MAK: variants seen among roughly 807,000 people sequenced by gnomAD.
MAK encodes the protein male germ cell associated kinase.
Under a neutral mutation model 82.6 loss-of-function variants are expected in MAK, and 65 were observed. That is an observed-to-expected ratio of 0.79 (90% CI 0.64 to 0.97). The LOEUF is 0.97. Among genes scored for constraint, MAK ranks in the 50% least tolerant of loss-of-function variants. MAK has a pLI of 0.00. For missense variants in MAK, 703 were observed against 780.2 expected, an observed-to-expected ratio of 0.90 and a Z score of 1.18; for synonymous variants, 250 against 274.2, an observed-to-expected ratio of 0.91 and a Z score of 0.87.
chr6:10,829,946 C>T (rs536783487), intron 2 of MAK, among the ~76,000 whole-genome samples: 253 of 151,870 alleles, frequency 1.7e-3, no homozygotes, highest in Non-Finnish European at 2.5e-3. Context: ...AAGCGATTCT[C>T]GTGCCTCAGC....
In MAK at chr6:10,780,139, C is replaced by T. The variant is rs55750564; in HGVS notation, c.1465+4285G>A. The T allele has an allele frequency of 1.9e-3, 928 of 477,896 alleles. 6 individuals carry two copies. The highest frequency in any genetic ancestry group is 0.018 in the African/African-American group (860 of 47,496). 29.6% of individuals were successfully genotyped at this position (477,896 alleles called of 1,614,324 possible). A position where few individuals can be genotyped will look rare whatever the true frequency, so the allele number is the denominator to read the frequency against. On this transcript the variant is annotated intron_variant, in intron 11 of 14. Transcript: ENST00000354489. Reference sequence around the variant, plus strand: ...GAGGGGTCATCTTCAAAACCACGACCGCCAATAGGTGACAGTAAGGCTCAA... The same window carrying T: ...GAGGGGTCATCTTCAAAACCACGACTGCCAATAGGTGACAGTAAGGCTCAA...
intron 9 of MAK, 74 bp downstream of exon 9, chr6:10,795,924 A>G (rs1252079278): frequency 1.3e-6 from 2 of 1,487,502 alleles, no homozygotes; most frequent in Non-Finnish European, 1.9e-6. Context: ...CAACATTATT[A>G]GAAATGCCTC....
chr6:10,796,667 G>A (rs545997006), intron 8 of MAK, among the ~76,000 whole-genome samples: 8 of 152,186 alleles, frequency 5.3e-5, no homozygotes, highest in African/African-American at 9.6e-5. Context: ...TTAGCCAGGC[G>A]TGTTGGTGGA....
intron 11 of MAK, among the ~76,000 whole-genome samples, chr6:10,782,286 C>T (rs1774072424): frequency 6.6e-6 from 1 of 151,684 alleles, no homozygotes; most frequent in African/African-American, 2.4e-5. Flanking sequence ...ATTTAGATCG[C>T]CAAATACCCA....
chr6:10,815,890 T>G (rs1431521443), intron 4 of MAK, among the ~76,000 whole-genome samples: 1 of 141,156 alleles, frequency 7.1e-6, no homozygotes, highest in Non-Finnish European at 1.5e-5. Flanking sequence ...TAATGGGTAC[T>G]GTATTAGTGT....
intron 11 of MAK, 111 bp downstream of exon 11, chr6:10,784,313 G>T: frequency 9.0e-7 from 1 of 1,107,478 alleles, no homozygotes; most frequent in Non-Finnish European, 1.4e-6. Flanking sequence ...AAAGAGCTCT[G>T]TGATTAGATT....
intron 5 of MAK, among the ~76,000 whole-genome samples, chr6:10,812,948 A>T (rs1581736031): frequency 1.4e-5 from 2 of 147,490 alleles, no homozygotes; most frequent in East Asian, 4.0e-4. Context: ...CATTTTTAGT[A>T]GAGATGGGGT....
At chr6:10,823,768 G>C (rs1778136643) in intron 2 of MAK, among the ~76,000 whole-genome samples, 1 of 152,102 alleles carries the variant, frequency 6.6e-6, no homozygotes. Context: ...GACCTCAGGT[G>C]ATCCACCCCA....
At chr6:10,831,987 T>C (rs773702899) in intron 1 of MAK, among the ~76,000 whole-genome samples, 2 of 152,100 alleles carry the variant, frequency 1.3e-5, no homozygotes, top group Non-Finnish European at 2.9e-5. Context: ...TGGAGTGCAG[T>C]GGCACAATCT....
chr6:10,806,912 A>C (rs1581722128), intron 6 of MAK, among the ~76,000 whole-genome samples: 1 of 152,146 alleles, frequency 6.6e-6, no homozygotes, highest in African/African-American at 2.4e-5. Flanking sequence ...TCCTTTCTTT[A>C]CCAACTTCCC....
At chr6:10,795,971 T>A in intron 9 of MAK, 27 bp downstream of exon 9, 1 of 1,607,628 alleles carries the variant, frequency 6.2e-7, no homozygotes, top group Non-Finnish European at 8.5e-7. Context: ...AACTATTTCA[T>A]TGCAAGTGTC....
chr6:10,833,901 C>T (rs1238525017), intron 1 of MAK, among the ~76,000 whole-genome samples: 1 of 152,150 alleles, frequency 6.6e-6, no homozygotes, highest in Non-Finnish European at 1.5e-5. Context: ...TTCATAGACA[C>T]TGATTCCAAA....
intron 5 of MAK, 44 bp from the exon 6 acceptor site, chr6:10,808,986 T>C: frequency 6.7e-7 from 1 of 1,497,728 alleles, no homozygotes; most frequent in Non-Finnish European, 9.3e-7. Context: ...AATCATTACG[T>C]TTAAACATAG....
At chr6:10,789,689 T>G in intron 10 of MAK, among the ~76,000 whole-genome samples, 1 of 152,198 alleles carries the variant, frequency 6.6e-6, no homozygotes, top group Non-Finnish European at 1.5e-5. Flanking sequence ...AGACGGAGTC[T>G]CACTCTCACT....
chr6:10,791,851 T>G lies in MAK; in HGVS notation c.1144-4A>C, dbSNP rs1257120360. ...GACTCAGTGTGCCATTTGGCTTCTG[T>G]GGTGGAAAATCAGTCATCATAATCT... On this transcript the variant is annotated splice_polypyrimidine_tract_variant and splice_region_variant and intron_variant, in intron 9 of 14. Coordinates refer to ENST00000354489, the MANE Select transcript of MAK (RefSeq NM_001242957.3). 1 of 1,614,098 alleles carries G rather than the reference T, an allele frequency of 6.2e-7. No individual in the cohort carries two copies. The highest frequency in any genetic ancestry group is 2.2e-5 in the East Asian group (1 of 44,876).
chr6:10,835,828 C>T (rs565048276), intron 1 of MAK, among the ~76,000 whole-genome samples: 1 of 152,154 alleles, frequency 6.6e-6, no homozygotes, highest in Admixed American at 6.5e-5. Flanking sequence ...CTTCATTGGC[C>T]CAACAATCTA....
intron 6 of MAK, among the ~76,000 whole-genome samples, chr6:10,806,988 C>G (rs889073073): frequency 6.6e-6 from 1 of 152,128 alleles, no homozygotes; most frequent in South Asian, 2.1e-4. Flanking sequence ...TTTCTTTCAG[C>G]CCCCACATCT....
intron 5 of MAK, among the ~76,000 whole-genome samples, chr6:10,810,782 A>G (rs943748028): frequency 1.3e-5 from 2 of 152,184 alleles, no homozygotes; most frequent in African/African-American, 4.8e-5. Context: ...CATCCATTTC[A>G]CTATGTCCAA....
At chr6:10,833,962 T>C (rs574086859) in intron 1 of MAK, among the ~76,000 whole-genome samples, 1 of 152,338 alleles carries the variant, frequency 6.6e-6, no homozygotes, top group Non-Finnish European at 1.5e-5. Context: ...GCACGGTTCC[T>C]AATCAAAACA....
Sources: allele counts gnomAD v4.1 joint callset (sites outside exome capture counted in the v4.1 genomes callset), GRCh38; gene constraint gnomAD v4.1.1; transcripts MANE v1.5; gene names NCBI Gene and HGNC (gene_info 2026-07-23, HGNC 2026-07-21).